The following ACTMAP variants were observed in gnomAD, a reference collection of about 807,000 sequenced individuals.
The protein encoded by ACTMAP is actin maturation protease.
the ACTMAP span, chr19:40,750,428 T>G: frequency 6.6e-6 from 1 of 151,736 alleles, no homozygotes; most frequent in Non-Finnish European, 1.5e-5. Flanking sequence ...GGCGCCGCGA[T>G]AACCACTGGA....
At chr19:40,741,198 T>C in the ACTMAP span, 1 of 393,702 alleles carries the variant, frequency 2.5e-6, no homozygotes, top group South Asian at 1.3e-4. Flanking sequence ...TCCCAGCACT[T>C]TGGGAGGCCG....
At chr19:40,744,859 A>T in the ACTMAP span, 1 of 1,049,468 alleles carries the variant, frequency 9.5e-7, no homozygotes, top group Non-Finnish European at 1.3e-6. Context: ...TGGGGGTGGA[A>T]GGCGGGGGAG....
chr19:40,741,054 T>G, the ACTMAP span: 18 of 398,672 alleles, frequency 4.5e-5, no homozygotes, highest in Non-Finnish European at 7.5e-5. Context: ...GCAAGGCTGC[T>G]CCAAGCCCTG....
the ACTMAP span, among the ~76,000 whole-genome samples, chr19:40,749,174 A>G: frequency 6.6e-6 from 1 of 151,914 alleles, no homozygotes; most frequent in Non-Finnish European, 1.5e-5. Context: ...TATTTTTAAT[A>G]GAGATGCGGT....
At chr19:40,744,080 G>T in the ACTMAP span, 1 of 1,613,936 alleles carries the variant, frequency 6.2e-7, no homozygotes, top group Non-Finnish European at 8.5e-7. Flanking sequence ...ATGAGCAGGG[G>T]ATGTCCAGTG....
chr19:40,749,462 T>C, the ACTMAP span: 318 of 1,455,788 alleles, frequency 2.2e-4, 3 homozygotes, highest in East Asian at 7.5e-3. Flanking sequence ...GGGTGGTGGG[T>C]GGGGCATGGA....
chr19:40,745,182 G>A, the ACTMAP span: 21 of 1,551,686 alleles, frequency 1.4e-5, no homozygotes, highest in South Asian at 9.5e-5. Context: ...AGGATCCACC[G>A]CAGGTCACCT....
chr19:40,743,185 C>A, the ACTMAP span, among the ~76,000 whole-genome samples: 1 of 151,752 alleles, frequency 6.6e-6, no homozygotes, highest in Non-Finnish European at 1.5e-5. Flanking sequence ...ATGATGAAAA[C>A]GGTGCTGGTA....
the ACTMAP span, chr19:40,749,750 G>C: frequency 6.7e-7 from 1 of 1,487,200 alleles, no homozygotes; most frequent in Non-Finnish European, 8.9e-7. Flanking sequence ...GGGGTACAGG[G>C]GTTTTTGGAG....
chr19:40,749,377 A>G, the ACTMAP span: 1 of 1,188,880 alleles, frequency 8.4e-7, no homozygotes, highest in East Asian at 2.6e-5. Context: ...CTAAGTAGTC[A>G]GCCTGTTTGA....
the ACTMAP span, chr19:40,745,214 G>A: frequency 4.3e-5 from 66 of 1,551,584 alleles, no homozygotes; most frequent in Non-Finnish European, 5.5e-5. Context: ...GCAGAGCCGT[G>A]CTCAGTCACC....
the ACTMAP span, chr19:40,741,776 C>A: frequency 2.2e-6 from 1 of 456,630 alleles, no homozygotes; most frequent in Non-Finnish European, 4.4e-6. Context: ...AAATCGGGTC[C>A]ATCTAGCACC....
At chr19:40,749,856 C>G in the ACTMAP span, 1 of 1,245,482 alleles carries the variant, frequency 8.0e-7, no homozygotes, top group Non-Finnish European at 1.1e-6. Flanking sequence ...AGGGAAGGAT[C>G]CTCCAACGGA....
the ACTMAP span, among the ~76,000 whole-genome samples, chr19:40,743,669 G>T: frequency 6.6e-6 from 1 of 152,196 alleles, no homozygotes; most frequent in Non-Finnish European, 1.5e-5. Flanking sequence ...ACAGAGCCTA[G>T]AAGAGGCTGT....
At chr19:40,747,096 C>T in the ACTMAP span, among the ~76,000 whole-genome samples, 2 of 152,066 alleles carry the variant, frequency 1.3e-5, no homozygotes, top group African/African-American at 2.4e-5. Context: ...CATGAGCCAC[C>T]GTGCCCGGCC....
the ACTMAP span, chr19:40,749,396 A>C: frequency 7.4e-7 from 1 of 1,349,892 alleles, no homozygotes; most frequent in Non-Finnish European, 1.0e-6. Flanking sequence ...GATCTTGAGG[A>C]CACGGGAACC....
the ACTMAP span, chr19:40,745,170 A>T: frequency 6.4e-7 from 1 of 1,551,860 alleles, no homozygotes; most frequent in Non-Finnish European, 8.7e-7. Context: ...TCTGCACAGA[A>T]GAGGATCCAC....
the ACTMAP span, among the ~76,000 whole-genome samples, chr19:40,747,123 A>G: frequency 2.6e-5 from 4 of 152,036 alleles, no homozygotes; most frequent in Admixed American, 2.6e-4. Context: ...TATTATTCCT[A>G]TTCCAAGGCT....
chr19:40,745,014 C>G, the ACTMAP span: 3 of 1,284,252 alleles, frequency 2.3e-6, no homozygotes, highest in Non-Finnish European at 3.3e-6. Context: ...CTTTCCTTCC[C>G]TCCTCCTCCC....
Sources: allele counts gnomAD v4.1 joint callset (sites outside exome capture counted in the v4.1 genomes callset), GRCh38; gene constraint gnomAD v4.1.1; transcripts MANE v1.5; gene names NCBI Gene and HGNC (gene_info 2026-07-23, HGNC 2026-07-21).